Variants in BMPR1A observed in about 807,000 individuals in gnomAD.
The protein encoded by BMPR1A is bone morphogenetic protein receptor type-1A.
Under a neutral mutation model 66.0 loss-of-function variants are expected in BMPR1A, and 7 were observed. The observed-to-expected ratio is 0.11, with a 90% CI of 0.06 to 0.20. The LOEUF (loss-of-function observed/expected upper bound fraction) is 0.20, where lower values mean the gene tolerates loss of function less well. Among genes scored for constraint, BMPR1A ranks in the 10% least tolerant of loss-of-function variants. The pLI is 1.00. For synonymous variants in BMPR1A, 200 were observed against 229.7 expected (o/e 0.87, Z 1.17); for missense variants, 408 against 669.1 (o/e 0.61, Z 4.31).
At chr10:86,864,313 C>T (rs1256824869) in intron 2 of BMPR1A, among the ~76,000 whole-genome samples, 3 of 152,144 alleles carry the variant, frequency 2.0e-5, no homozygotes, top group Non-Finnish European at 2.9e-5. Context: ...AAAGTTATTC[C>T]ACTAATTCCC....
chr10:86,859,830 T>C (rs1842690519), intron 2 of BMPR1A, among the ~76,000 whole-genome samples: 16 of 151,756 alleles, frequency 1.1e-4, no homozygotes, highest in Admixed American at 1.0e-3. Context: ...AGAACTTGCA[T>C]ATAAATTGAC....
chr10:86,793,094 A>ACCCCCCCCCCCCCCCCTC (rs142292233), intron 1 of BMPR1A, among the ~76,000 whole-genome samples: 1 of 106,032 alleles, frequency 9.4e-6, no homozygotes, highest in Non-Finnish European at 1.9e-5. Context: ...CCTGATCTAT[A>ACCCCCCCCCCCCCCCCTC]CCCCCCCCCA....
intron 1 of BMPR1A, among the ~76,000 whole-genome samples, chr10:86,757,694 C>G (rs777476893): frequency 6.6e-6 from 1 of 152,190 alleles, no homozygotes; most frequent in South Asian, 2.1e-4. Flanking sequence ...ACAAACTGTT[C>G]AGAGTACATA....
chr10:86,912,711 C>T (rs1843509095), intron 8 of BMPR1A, among the ~76,000 whole-genome samples: 1 of 152,098 alleles, frequency 6.6e-6, no homozygotes, highest in African/African-American at 2.4e-5. Flanking sequence ...AGCATTTTAC[C>T]AGCCAACTTA....
At chr10:86,785,602 G>C (rs943274656) in intron 1 of BMPR1A, among the ~76,000 whole-genome samples, 1 of 152,056 alleles carries the variant, frequency 6.6e-6, no homozygotes, top group Non-Finnish European at 1.5e-5. Flanking sequence ...GCGCCCGGCC[G>C]GGTATAGTGT....
intron 1 of BMPR1A, among the ~76,000 whole-genome samples, chr10:86,805,377 T>TACGCGCACACACACACACAC (rs1554880397): frequency 1.4e-5 from 2 of 143,058 alleles, no homozygotes; most frequent in African/African-American, 5.2e-5. Flanking sequence ...CTCCTACCTG[T>TACGCGCACACACACACACAC]ACACACACAC....
intron 3 of BMPR1A, among the ~76,000 whole-genome samples, chr10:86,888,245 C>G (rs1843097318): frequency 6.6e-6 from 1 of 151,284 alleles, no homozygotes. Context: ...AAGTGGATCA[C>G]TTGAGGTCAG....
At chr10:86,914,047 T>G (rs890921801) in intron 8 of BMPR1A, among the ~76,000 whole-genome samples, 1 of 151,794 alleles carries the variant, frequency 6.6e-6, no homozygotes, top group Non-Finnish European at 1.5e-5. Context: ...GGCATAAGGA[T>G]AGATGTATTG....
At chr10:86,916,763 G>A (rs1395150588) in intron 8 of BMPR1A, among the ~76,000 whole-genome samples, 1 of 152,054 alleles carries the variant, frequency 6.6e-6, no homozygotes, top group African/African-American at 2.4e-5. Context: ...CCGGGGGTGG[G>A]GTGGATCACC....
At chr10:86,788,435 G>A (rs552119790) in intron 1 of BMPR1A, among the ~76,000 whole-genome samples, 13 of 152,142 alleles carry the variant, frequency 8.5e-5, no homozygotes, top group Non-Finnish European at 1.6e-4. Flanking sequence ...AAGTTTAGGG[G>A]GCAGTAGTGT....
chr10:86,768,228 T>TA (rs1841198595), intron 1 of BMPR1A, among the ~76,000 whole-genome samples: 1 of 152,170 alleles, frequency 6.6e-6, no homozygotes, highest in Non-Finnish European at 1.5e-5. Flanking sequence ...CAAGGGATAA[T>TA]AATAAAGTAA....
At chr10:86,772,452 C>G (rs1841280418) in intron 1 of BMPR1A, among the ~76,000 whole-genome samples, 1 of 152,006 alleles carries the variant, frequency 6.6e-6, no homozygotes, top group Non-Finnish European at 1.5e-5. Context: ...TTTTTCACAG[C>G]TTTACCATGA....
intron 2 of BMPR1A, among the ~76,000 whole-genome samples, chr10:86,842,729 C>G (rs11202222): frequency 0.19 from 28,725 of 152,114 alleles, 3,741 homozygotes; most frequent in East Asian, 0.64. Context: ...CTCATAGTTC[C>G]ATGTGGCTAG....
At chr10:86,788,355 C>A (rs1202408624) in intron 1 of BMPR1A, among the ~76,000 whole-genome samples, 2 of 152,134 alleles carry the variant, frequency 1.3e-5, no homozygotes, top group Non-Finnish European at 2.9e-5. Context: ...CATGCTGAGT[C>A]CTGTCTCATT....
chr10:86,849,639 A>G (rs938173058), intron 2 of BMPR1A, among the ~76,000 whole-genome samples: 1 of 152,262 alleles, frequency 6.6e-6, no homozygotes, highest in African/African-American at 2.4e-5. Flanking sequence ...TATGGTTGTC[A>G]TTAGCCACTT....
intron 1 of BMPR1A, among the ~76,000 whole-genome samples, chr10:86,823,273 C>G (rs1842145788): frequency 6.6e-6 from 1 of 152,174 alleles, no homozygotes; most frequent in East Asian, 1.9e-4. Context: ...CAGTTGGTTT[C>G]CTGTTGATAG....
At position 86,913,080 on chromosome 10, in the gene BMPR1A, T is replaced by G. The variant is rs116918614; in HGVS notation, c.675+696T>G. Reference sequence around the variant, plus strand: ...GATAGGTTTAAGTTTTTAATTGTATTAGTTGAAAGAAACTGATCTCTTCTT... The same window carrying G: ...GATAGGTTTAAGTTTTTAATTGTATGAGTTGAAAGAAACTGATCTCTTCTT... On this transcript the variant is annotated intron_variant, in intron 8 of 12. Transcript: ENST00000372037. Among the ~76,000 whole-genome samples the G allele has an allele frequency of 1.4e-3, 214 of 152,206 alleles. 2 individuals carry two copies. In the East Asian group the frequency reaches 0.04, roughly 28 times the overall value.
upstream of BMPR1A, chr10:86,755,808 C>T (rs1358604990): frequency 6.6e-6 from 1 of 152,126 alleles, no homozygotes; most frequent in East Asian, 2.0e-4. Flanking sequence ...TTCGCGGGCT[C>T]GCAGGTCACA....
At chr10:86,854,055 C>T (rs368846255) in intron 2 of BMPR1A, among the ~76,000 whole-genome samples, 14 of 152,120 alleles carry the variant, frequency 9.2e-5, no homozygotes, top group East Asian at 3.8e-4. Context: ...AAGACGGCCA[C>T]ACCCAAGGGG....
Sources: allele counts gnomAD v4.1 joint callset (sites outside exome capture counted in the v4.1 genomes callset), GRCh38; gene constraint gnomAD v4.1.1; transcripts MANE v1.5; gene names NCBI Gene and HGNC (gene_info 2026-07-23, HGNC 2026-07-21).